TMC5: variants seen among roughly 807,000 people sequenced by gnomAD.
TMC5 encodes the protein transmembrane channel-like protein 5.
Under a neutral mutation model 110.5 loss-of-function variants are expected in TMC5, and 86 were observed. The observed-to-expected ratio is 0.78, with a 90% CI of 0.65 to 0.93. The LOEUF (loss-of-function observed/expected upper bound fraction) is 0.93. Ranked by LOEUF, TMC5 falls within the 40% of genes least tolerant of loss-of-function variation. The pLI, the probability that TMC5 is intolerant of heterozygous loss-of-function variation, is 0.00. For missense variants in TMC5, 1,144 were observed against 1,222.8 expected (o/e 0.94, Z 0.96); for synonymous variants, 455 against 439.5 (o/e 1.04, Z -0.44).
At chr16:19,416,246 T>C (rs1966876815), upstream of TMC5, among the ~76,000 whole-genome samples, 1 of 152,068 alleles carries the variant, frequency 6.6e-6, no homozygotes, top group Non-Finnish European at 1.5e-5. Flanking sequence ...CTGTGAATTA[T>C]AGAACTAGGA....
intron 12 of TMC5, among the ~76,000 whole-genome samples, chr16:19,475,717 C>T (rs1012464544): frequency 2.0e-5 from 3 of 152,080 alleles, no homozygotes; most frequent in Admixed American, 1.3e-4. Flanking sequence ...TCAAACATCA[C>T]CCTCGTGTTG....
chr16:19,457,276 C>A (rs74736698), intron 5 of TMC5, among the ~76,000 whole-genome samples: 82,405 of 151,500 alleles, frequency 0.54, 26,515 homozygotes, highest in Non-Finnish European at 0.69. Flanking sequence ...CACCTGTGGT[C>A]CCAGCTACTC....
intron 19 of TMC5, 93 bp from the exon 20 acceptor site, chr16:19,494,165 GAAAA>G: frequency 2.1e-6 from 2 of 965,660 alleles, no homozygotes; most frequent in Non-Finnish European, 3.2e-6. Context: ...CTAGCTGCCT[GAAAA>G]CCGACGTTCT....
At chr16:19,471,066 A>G (rs1322515577) in intron 10 of TMC5, among the ~76,000 whole-genome samples, 2 of 151,396 alleles carry the variant, frequency 1.3e-5, no homozygotes, top group Non-Finnish European at 2.9e-5. Context: ...AGCTGATTTT[A>G]TAAATAAAGG....
chr16:19,439,803 C>T (rs1017795185), intron 2 of TMC5, among the ~76,000 whole-genome samples, 157 bp from the exon 3 acceptor site: 3 of 152,126 alleles, frequency 2.0e-5, no homozygotes, highest in Non-Finnish European at 2.9e-5. Flanking sequence ...CATGTTCATA[C>T]CTTGGTGCAA....
At chr16:19,419,927 A>C (rs1966947007) in intron 1 of TMC5, among the ~76,000 whole-genome samples, 2 of 152,204 alleles carry the variant, frequency 1.3e-5, no homozygotes, top group Admixed American at 1.3e-4. Flanking sequence ...TCATTCCCAG[A>C]GATAAATCAC....
intron 15 of TMC5, among the ~76,000 whole-genome samples, chr16:19,485,635 C>G (rs931439477): frequency 6.6e-6 from 1 of 152,160 alleles, no homozygotes; most frequent in African/African-American, 2.4e-5. Context: ...TATTTACAAT[C>G]ATAAATGGAA....
rs35421097 is a variant in TMC5, at chr16:19,481,430, C to A, written c.2328C>A (p.Asn776Lys). ...TTCAGGAGTTTGACATTGCCAGGAA[C>A]GTTCTAGAACTGATCTATGCACAAA... ...LGLQEFDIAR[N>K]VLELIYAQTL... is the part of the protein sequence containing the mutation. The change falls in exon 15 of 22, where the codon AAC becomes AAA. Residue 776 changes from asparagine to lysine, a missense_variant. Transcript: ENST00000542583. 9 of 1,613,920 alleles carry A rather than the reference C, an allele frequency of 5.6e-6. No homozygotes were observed. In the South Asian group the frequency reaches 8.8e-5, roughly 16 times the overall value.
intron 4 of TMC5, among the ~76,000 whole-genome samples, 188 bp from the exon 5 acceptor site, chr16:19,449,354 C>T (rs1967695749): frequency 6.6e-6 from 1 of 152,232 alleles, no homozygotes; most frequent in South Asian, 2.1e-4. Flanking sequence ...TATTTAACAG[C>T]ACTGTTTTTG....
At chr16:19,445,805 C>T (rs1281065637) in intron 4 of TMC5, among the ~76,000 whole-genome samples, 1 of 151,954 alleles carries the variant, frequency 6.6e-6, no homozygotes. Flanking sequence ...TAGCCATGTA[C>T]TAATGAAAAC....
chr16:19,465,046 T>C (rs1359704857), intron 8 of TMC5, among the ~76,000 whole-genome samples: 2 of 105,300 alleles, frequency 1.9e-5, no homozygotes, highest in African/African-American at 9.7e-5. Flanking sequence ...TTTCTTTCTT[T>C]CTTTCTTTCT....
chr16:19,478,592 A>G (rs1161200881), intron 13 of TMC5, among the ~76,000 whole-genome samples: 1 of 152,092 alleles, frequency 6.6e-6, no homozygotes, highest in Non-Finnish European at 1.5e-5. Flanking sequence ...TTATCCATCC[A>G]TGTATGGATC....
chr16:19,440,818 G>T lies in TMC5; in HGVS notation c.780G>T (p.Met260Ile). 3 of 1,612,354 alleles carry T rather than the reference G, an allele frequency of 1.9e-6. No homozygotes were observed. Among genetic ancestry groups the T allele is most frequent in the South Asian group, 2.2e-5 (2 of 90,920 alleles). ...HDYGSSETPK[M>I]TRGVLSRTSS... ...ATGGCTCTTCTGAGACCCCAAAGAT[G>T]ACCAGGGGGTAAGTTCAGATATATA... The change falls in exon 3 of 22, where the codon ATG (methionine) becomes ATT (isoleucine). Residue 260 changes from methionine to isoleucine, a missense_variant. Physicochemically the swap from Met to Ile is conservative, Grantham distance 10. Coordinates refer to ENST00000542583, the MANE Select transcript of TMC5 (RefSeq NM_001261841.2).
rs148052684 is a variant in TMC5, at chr16:19,440,665, C to T, written c.627C>T (p.Gly209=). ...ADSLGKPDYP[G]ADIQPNSPPF... is the part of the protein sequence containing the mutation. ...CTCTGGGAAAGCCTGATTATCCAGG[C>T]GCTGACATTCAACCTAACTCTCCAC... Residue 209 remains glycine (G), a synonymous_variant, in exon 3 of 22, where the codon GGC becomes GGT. Coordinates refer to ENST00000542583, the MANE Select transcript of TMC5 (RefSeq NM_001261841.2). 0.011 allele frequency: 18,145 copies of T among 1,614,182 alleles called. 132 individuals are homozygous for T. Among genetic ancestry groups the T allele is most frequent in the Middle Eastern group, 0.021 (129 of 6,062 alleles).
intron 5 of TMC5, among the ~76,000 whole-genome samples, chr16:19,458,940 C>T (rs1450140888): frequency 2.6e-5 from 4 of 152,178 alleles, no homozygotes; most frequent in Non-Finnish European, 5.9e-5. Context: ...ATCGCTGCCC[C>T]GCCTGCTGGC....
At chr16:19,430,860 A>AT (rs3049240) in intron 2 of TMC5, among the ~76,000 whole-genome samples, 11,666 of 131,138 alleles carry the variant, frequency 0.089, 1,415 homozygotes, top group African/African-American at 0.25. Flanking sequence ...AATAAAAACA[A>AT]TTTTTTTTTT....
intron 5 of TMC5, among the ~76,000 whole-genome samples, chr16:19,450,424 G>A (rs1015495605): frequency 2.6e-5 from 4 of 152,184 alleles, no homozygotes; most frequent in South Asian, 2.1e-4. Flanking sequence ...TCAGTCTGAG[G>A]TCAGGGAACT....
At chr16:19,446,671 G>A (rs746273277) in intron 4 of TMC5, among the ~76,000 whole-genome samples, 17 of 152,166 alleles carry the variant, frequency 1.1e-4, no homozygotes, top group Non-Finnish European at 1.8e-4. Context: ...ATTGAATCCC[G>A]TCTCTCTACC....
At chr16:19,485,508 G>C (rs192172323) in intron 15 of TMC5, among the ~76,000 whole-genome samples, 8 of 152,190 alleles carry the variant, frequency 5.3e-5, no homozygotes, top group Middle Eastern at 6.8e-3. Flanking sequence ...ATGTTGGCCA[G>C]GCTGGTTTCG....
Sources: allele counts gnomAD v4.1 joint callset (sites outside exome capture counted in the v4.1 genomes callset), GRCh38; gene constraint gnomAD v4.1.1; transcripts MANE v1.5; gene names NCBI Gene and HGNC (gene_info 2026-07-23, HGNC 2026-07-21).